Variants in GRK1 observed in about 807,000 individuals in gnomAD.
The protein encoded by GRK1 is G protein-coupled receptor kinase 1, also known as rhodopsin kinase GRK1.
GRK1 carries 28 observed loss-of-function variants against 41.7 expected under a neutral mutation model. That is an observed-to-expected ratio of 0.67 (90% CI 0.50 to 0.92). GRK1 has a LOEUF of 0.92. Ranked by LOEUF, GRK1 falls within the 40% of genes least tolerant of loss-of-function variation. The probability of loss-of-function intolerance (pLI) is 0.00; values close to 1 mark genes in which losing one functional copy is unlikely to be tolerated. For synonymous variants in GRK1, 327 were observed against 286.7 expected (o/e 1.14, Z -1.42); for missense variants, 703 against 671.2 (o/e 1.05, Z -0.52).
upstream of GRK1, among the ~76,000 whole-genome samples, chr13:113,663,307 A>G (rs2049800557): frequency 6.6e-6 from 1 of 152,260 alleles, no homozygotes; most frequent in East Asian, 1.9e-4. Flanking sequence ...GGGAGGAAAA[A>G]GACCTTCAAC....
the GRK1 span, chr13:113,652,869 T>G: frequency 6.2e-7 from 1 of 1,614,026 alleles, no homozygotes; most frequent in Middle Eastern, 1.6e-4. Flanking sequence ...CCCTCAGTAC[T>G]CACCCTGTTC....
chr13:113,737,636 G>A lies in GRK1; in HGVS notation c.*2273G>A, dbSNP rs887225247. 1.3e-5 allele frequency: 2 copies of A among 155,952 alleles called. No individual in the cohort carries two copies. The highest frequency in any genetic ancestry group is 2.9e-5 in the Non-Finnish European group (2 of 69,990). The allele number at this position is 155,952 out of a possible 1,614,324, so 9.7% of individuals were successfully genotyped here. ...ACAGAACTCCACATCGTCTGGTTTT[G>A]TGGAGACTTTCATATGTCCTGTCAA... On this transcript the variant is annotated 3_prime_UTR_variant, in exon 7 of 7. Transcript: ENST00000335678.
At chr13:113,725,266 G>A (rs943984980) in intron 4 of GRK1, among the ~76,000 whole-genome samples, 2 of 151,560 alleles carry the variant, frequency 1.3e-5, no homozygotes, top group Non-Finnish European at 2.9e-5. Context: ...GGACCCAGGG[G>A]CGTGCACAGG....
chr13:113,653,369 T>TATCAGAGAC, the GRK1 span: 1 of 1,614,110 alleles, frequency 6.2e-7, no homozygotes. Flanking sequence ...CAGGTTCTGT[T>TATCAGAGAC]ATCAGAGACG....
rs2049996851 is a variant in GRK1, at chr13:113,735,439, C to A, written c.*76C>A. ...GGGCCGCCTGCCTCCGTGGTGCCAG[C>A]CTGGGGTCTGCTAGCAAGGGGACAC... is the stretch of plus-strand genomic sequence containing the variant. On this transcript the variant is annotated 3_prime_UTR_variant, in exon 7 of 7. Coordinates refer to ENST00000335678, the MANE Select transcript of GRK1 (RefSeq NM_002929.3). 4 of 1,402,318 alleles carry A rather than the reference C, an allele frequency of 2.9e-6. No individual in the cohort carries two copies. Among genetic ancestry groups the A allele is most frequent in the Middle Eastern group, 1.9e-4 (1 of 5,218 alleles). 86.9% of individuals were successfully genotyped at this position (1,402,318 alleles called of 1,614,324 possible).
intron 6 of GRK1, among the ~76,000 whole-genome samples, chr13:113,734,085 T>C (rs1024615417): frequency 6.6e-5 from 10 of 152,242 alleles, no homozygotes; most frequent in African/African-American, 2.4e-4. Context: ...TATGTGTGTG[T>C]GTTCATGCAC....
chr13:113,733,648 CAT>C (rs2049958869), intron 6 of GRK1, among the ~76,000 whole-genome samples: 1 of 119,280 alleles, frequency 8.4e-6, no homozygotes, highest in African/African-American at 3.8e-5. Flanking sequence ...TGTATGTGTG[CAT>C]ACGTGTGTGT....
At chr13:113,656,441 C>A in the GRK1 span, among the ~76,000 whole-genome samples, 2 of 152,200 alleles carry the variant, frequency 1.3e-5, no homozygotes, top group Non-Finnish European at 2.9e-5. Context: ...CCCTGCCTCC[C>A]GGGTAGGAGC....
chr13:113,726,806 A>G (rs2049891726), intron 4 of GRK1, among the ~76,000 whole-genome samples: 1 of 152,232 alleles, frequency 6.6e-6, no homozygotes. Context: ...GAGTCTGGGC[A>G]GAATTCTGAC....
At chr13:113,649,694 A>G in the GRK1 span, among the ~76,000 whole-genome samples, 2 of 152,234 alleles carry the variant, frequency 1.3e-5, no homozygotes, top group Non-Finnish European at 2.9e-5. The surrounding 1 kb of genome is among the most constrained non-coding windows in gnomAD (Gnocchi z 4.7). Context: ...ATTTGCTGAG[A>G]TAACACCCCC....
At chr13:113,725,373 T>G (rs1172710760) in intron 4 of GRK1, among the ~76,000 whole-genome samples, 6 of 32,430 alleles carry the variant, frequency 1.9e-4, no homozygotes, top group Admixed American at 2.8e-4. Flanking sequence ...TAGTTTGAGT[T>G]CAGGGGCGGG....
At chr13:113,650,538 G>A in the GRK1 span, 1 of 1,580,292 alleles carries the variant, frequency 6.3e-7, no homozygotes, top group Non-Finnish European at 8.6e-7. This position sits in a 1 kb window ranked among gnomAD's most constrained non-coding sequence, Gnocchi z 5.0. Flanking sequence ...CCTGAGTCAG[G>A]CGGGAGCTGG....
the GRK1 span, chr13:113,654,975 G>A: frequency 3.8e-5 from 61 of 1,612,588 alleles, no homozygotes; most frequent in East Asian, 4.2e-4. Context: ...AATTTACCAC[G>A]TCAGCCATTT....
chr13:113,659,423 G>A, the GRK1 span, among the ~76,000 whole-genome samples: 6 of 152,144 alleles, frequency 3.9e-5, no homozygotes, highest in East Asian at 3.9e-4. Context: ...TCAGGGACCC[G>A]TGTAACCAAA....
chr13:113,655,981 G>C, the GRK1 span, among the ~76,000 whole-genome samples: 1 of 152,258 alleles, frequency 6.6e-6, no homozygotes, highest in Non-Finnish European at 1.5e-5. Context: ...TTCAGCACCA[G>C]CTGGGCTCAG....
chr13:113,650,432 A>G, the GRK1 span: 1 of 1,613,928 alleles, frequency 6.2e-7, no homozygotes, highest in Admixed American at 1.7e-5. The surrounding 1 kb of genome is among the most constrained non-coding windows in gnomAD (Gnocchi z 5.0). Context: ...TAATAAGGGA[A>G]GTAGTGCAGA....
intron 4 of GRK1, among the ~76,000 whole-genome samples, chr13:113,729,770 C>T (rs2049920142): frequency 6.6e-6 from 1 of 151,962 alleles, no homozygotes; most frequent in Non-Finnish European, 1.5e-5. Context: ...TGAGACAGTC[C>T]CTGCGGCTGT....
At chr13:113,724,565 C>T (rs986349473) in intron 4 of GRK1, among the ~76,000 whole-genome samples, 5 of 152,172 alleles carry the variant, frequency 3.3e-5, no homozygotes, top group African/African-American at 9.7e-5. Context: ...GGGGTGGGGG[C>T]TAAGGACTGT....
rs1339361784 is a variant in GRK1, at chr13:113,723,128, G to A, written c.1040G>A (p.Ser347Asn). The change falls in exon 4 of 7, where the codon AGC becomes AAC. Residue 347 changes from serine (S) to asparagine (N), a missense_variant. By Grantham distance (46) the Ser-to-Asn change is conservative. Transcript: ENST00000335678. ...GCCGTGGAGCTGCTGGACGGACAGA[G>A]CAAGACCAAGGGCTACGCAGGGACC... is the stretch of plus-strand genomic sequence containing the variant. ...GLAVELLDGQ[S>N]KTKGYAGTPG... 1.4e-6 allele frequency: 1 copy of A among 701,984 alleles called. No individual in the cohort carries two copies. The allele number at this position is 701,984 out of a possible 1,614,324, so 43.5% of individuals were successfully genotyped here.
Sources: gnomAD v4.1 joint callset for allele counts (sites outside exome capture counted in the v4.1 genomes callset) on GRCh38, gnomAD v4.1.1 for gene constraint, Gnocchi (gnomAD v3.1) non-coding constraint, MANE v1.5 for transcripts, NCBI Gene and HGNC (gene_info 2026-07-23, HGNC 2026-07-21) for gene names.